The following OPCML variants were observed in gnomAD, a reference collection of about 807,000 sequenced individuals.
The protein encoded by OPCML is opioid binding protein/cell adhesion molecule like.
Under a neutral mutation model 37.8 loss-of-function variants are expected in OPCML, and 13 were observed. The ratio of observed to expected loss-of-function variants is 0.34; its 90% CI spans 0.22 to 0.55. The LOEUF (loss-of-function observed/expected upper bound fraction) is 0.55, where lower values mean the gene tolerates loss of function less well. OPCML is among the 20% of genes least tolerant of loss of function. OPCML has a pLI of 0.91. For missense variants in OPCML, 341 were observed against 435.6 expected (o/e 0.78, Z 1.93); for synonymous variants, 176 against 168.8 (o/e 1.04, Z -0.33).
At chr11:132,502,372 C>G (rs920502575) in intron 4 of OPCML, among the ~76,000 whole-genome samples, 1 of 152,162 alleles carries the variant, frequency 6.6e-6, no homozygotes, top group Non-Finnish European at 1.5e-5. Flanking sequence ...TCTTTTTAAG[C>G]ATTAATAGTG....
chr11:132,807,364 G>A (rs978510527), intron 2 of OPCML, among the ~76,000 whole-genome samples: 3 of 152,016 alleles, frequency 2.0e-5, no homozygotes, highest in Non-Finnish European at 4.4e-5. Context: ...AATATTAAAA[G>A]GAAAACAGGG....
At chr11:132,538,994 T>A (rs1205760610) in intron 3 of OPCML, among the ~76,000 whole-genome samples, 2 of 152,232 alleles carry the variant, frequency 1.3e-5, no homozygotes, top group African/African-American at 4.8e-5. Context: ...GATAAATGTA[T>A]GTCTGTGTTC....
At chr11:132,762,083 C>T (rs1946284630) in intron 2 of OPCML, among the ~76,000 whole-genome samples, 1 of 152,188 alleles carries the variant, frequency 6.6e-6, no homozygotes, top group Admixed American at 6.5e-5. Flanking sequence ...TGCAGGTCTG[C>T]TGGAGTTTGC....
chr11:133,086,827 G>A (rs1479325320), intron 1 of OPCML, among the ~76,000 whole-genome samples: 5 of 152,108 alleles, frequency 3.3e-5, no homozygotes, highest in Non-Finnish European at 4.4e-5. Context: ...AAGTAAGATC[G>A]TGCGGTACTT....
chr11:132,862,121 T>G (rs1179581039), intron 2 of OPCML, among the ~76,000 whole-genome samples: 2 of 152,180 alleles, frequency 1.3e-5, no homozygotes, highest in Non-Finnish European at 2.9e-5. Flanking sequence ...ATGACACAGT[T>G]TTTAAATGGC....
chr11:132,425,081 C>T lies in OPCML; in HGVS notation c.917-4788G>A, dbSNP rs571736911. On this transcript the variant is annotated intron_variant, in intron 7 of 7. Coordinates refer to ENST00000524381, the MANE Select transcript of OPCML (RefSeq NM_001012393.5). ...TGTCCATCCTGCAATGGAGACGGGC[C>T]CCAAGCCAACCTTGGGAAATGTTGA... Among the ~76,000 whole-genome samples the T allele has an allele frequency of 1.9e-3, 285 of 152,200 alleles. 1 individual carries two copies. The highest frequency in any genetic ancestry group is 2.9e-3 in the Non-Finnish European group (197 of 68,020).
chr11:133,007,453 C>G (rs1947134284), intron 1 of OPCML: 1 of 985,318 alleles, frequency 1.0e-6, no homozygotes, highest in African/African-American at 1.7e-5. Flanking sequence ...AAAATGCACA[C>G]AAAGCCCTGC....
At chr11:133,465,993 T>A (rs1946970365) in intron 1 of OPCML, among the ~76,000 whole-genome samples, 1 of 152,196 alleles carries the variant, frequency 6.6e-6, no homozygotes, top group Non-Finnish European at 1.5e-5. Flanking sequence ...CCTTACAAAA[T>A]AAAATGTCTG....
intron 3 of OPCML, among the ~76,000 whole-genome samples, chr11:132,539,202 T>C (rs978594050): frequency 2.6e-5 from 4 of 152,222 alleles, no homozygotes; most frequent in Non-Finnish European, 5.9e-5. Context: ...GATTTCACTC[T>C]GGCTATGCTA....
At chr11:133,343,749 C>A (rs1943930795) in intron 1 of OPCML, among the ~76,000 whole-genome samples, 1 of 152,118 alleles carries the variant, frequency 6.6e-6, no homozygotes, top group Non-Finnish European at 1.5e-5. Context: ...AATCACTTTA[C>A]AAATGGGAAA....
At chr11:132,724,762 A>T (rs916908757) in intron 2 of OPCML, among the ~76,000 whole-genome samples, 3 of 152,220 alleles carry the variant, frequency 2.0e-5, no homozygotes, top group Non-Finnish European at 4.4e-5. Flanking sequence ...CATTGGGTAA[A>T]TACAGCCATT....
intron 1 of OPCML, among the ~76,000 whole-genome samples, chr11:133,452,523 C>T (rs1036986015): frequency 9.3e-5 from 14 of 151,286 alleles, no homozygotes; most frequent in African/African-American, 2.7e-4. Context: ...TTTAGACAAA[C>T]AAAAACAGGC....
intron 4 of OPCML, among the ~76,000 whole-genome samples, chr11:132,507,869 C>T (rs2096260785): frequency 6.6e-6 from 1 of 151,756 alleles, no homozygotes; most frequent in African/African-American, 2.4e-5. Context: ...AGAATGTTTT[C>T]ACATTAAAAA....
At chr11:132,900,291 C>T (rs1286317097) in intron 2 of OPCML, among the ~76,000 whole-genome samples, 1 of 152,090 alleles carries the variant, frequency 6.6e-6, no homozygotes, top group Non-Finnish European at 1.5e-5. Context: ...GGGGTGTCAT[C>T]CTTGATATCA....
chr11:132,946,154 G>T (rs562277020), intron 1 of OPCML, among the ~76,000 whole-genome samples: 1 of 152,196 alleles, frequency 6.6e-6, no homozygotes, highest in African/African-American at 2.4e-5. Context: ...ATGGAGTCAG[G>T]ATGATCAGTA....
chr11:133,140,922 C>A (rs368344174), intron 1 of OPCML, among the ~76,000 whole-genome samples: 10 of 4,804 alleles, frequency 2.1e-3, no homozygotes, highest in African/African-American at 3.4e-3. Context: ...AAGAAGAAGA[C>A]GACGACGACG....
chr11:132,486,150 T>C (rs934593607), intron 4 of OPCML, among the ~76,000 whole-genome samples: 3 of 152,222 alleles, frequency 2.0e-5, no homozygotes, highest in Admixed American at 2.0e-4. Context: ...CAAATCTTTA[T>C]ACTGCAGTGA....
intron 1 of OPCML, among the ~76,000 whole-genome samples, chr11:133,482,320 G>C (rs762039979): frequency 7.2e-5 from 11 of 152,212 alleles, no homozygotes; most frequent in Non-Finnish European, 1.0e-4. Flanking sequence ...TGAGGCAGCA[G>C]ACAACATGGA....
In OPCML at chr11:132,999,573, G is replaced by T. The variant is rs1050685008; in HGVS notation, c.62-56563C>A. 4.9e-4 allele frequency among the ~76,000 whole-genome samples: 53 copies of T among 108,438 alleles called. 2 individuals carry two copies. The highest frequency in any genetic ancestry group is 1.4e-3 in the African/African-American group (49 of 35,698). The allele number at this position is 108,438 out of a possible 152,430, so 71.1% of individuals were successfully genotyped here. A position where few individuals can be genotyped will look rare whatever the true frequency, so the allele number is the denominator to read the frequency against. On this transcript the variant is annotated intron_variant, in intron 1 of 7. Coordinates refer to ENST00000524381, the MANE Select transcript of OPCML (RefSeq NM_001012393.5). Reference sequence around the variant, plus strand: ...GCTCCAAGTGACAAATGGGGTCGGGGGGGGAATGCCACCGGTAATGAACAA... The same window carrying T: ...GCTCCAAGTGACAAATGGGGTCGGGTGGGGAATGCCACCGGTAATGAACAA...
Sources: allele counts gnomAD v4.1 joint callset (sites outside exome capture counted in the v4.1 genomes callset), GRCh38; gene constraint gnomAD v4.1.1; transcripts MANE v1.5; gene names NCBI Gene and HGNC (gene_info 2026-07-23, HGNC 2026-07-21).